TTN: variants seen among roughly 807,000 people sequenced by gnomAD.
TTN encodes the protein connectin.
A neutral mutation model predicts 3,223.0 loss-of-function variants in TTN; 1,525 were observed. The ratio of observed to expected loss-of-function variants is 0.47; its 90% CI spans 0.45 to 0.49. The LOEUF is 0.49. Among genes scored for constraint, TTN ranks in the 20% least tolerant of loss-of-function variants. The pLI, the probability that TTN is intolerant of heterozygous loss-of-function variation, is 0.00. For synonymous variants in TTN, 14,094 were observed against 15,161.0 expected, an observed-to-expected ratio of 0.93 and a Z score of 5.17; for missense variants, 40,786 against 43,424.0, an observed-to-expected ratio of 0.94 and a Z score of 5.40.
rs1060500481 is a variant in TTN at position 178,605,212 on chromosome 2, C to T, written c.53965G>A (p.Asp17989Asn). The T allele has an allele frequency of 6.2e-7, 1 of 1,612,000 alleles. No homozygotes were observed. The change falls in exon 280 of 363, where the codon GAT becomes AAT. Residue 17989 changes from aspartate (D) to asparagine (N), a missense_variant. Asp to Asn is a conservative substitution (Grantham distance 23). Coordinates refer to ENST00000589042, the MANE Select transcript of TTN (RefSeq NM_001267550.2). ...TTAGGCATTGGAAGGCCTGTCACAT[C>T]TGCAGGGATGTGGACAGGCTCTCCT... ...KAGEPVHIPA[D>N]VTGLPMPKIE...
In TTN at chr2:178,668,506, G is replaced by A. The variant is rs541249235; in HGVS notation, c.35546-785C>T. On this transcript the variant is annotated intron_variant, in intron 159 of 362. Transcript: ENST00000589042. ...AGCACTTTGGGAGGCTGAGGTGGGC[G>A]GGTCACCTGAGGTCAGGAGTTTGAG... Among the ~76,000 whole-genome samples, 27 of 152,006 alleles carry A rather than the reference G, an allele frequency of 1.8e-4. 1 individual carries two copies. Among genetic ancestry groups the A allele is most frequent in the Admixed American group, 1.5e-3 (23 of 15,246 alleles).
At chr2:178,650,615 A>T in intron 209 of TTN, 136 bp downstream of exon 209, 1 of 908,648 alleles carries the variant, frequency 1.1e-6, no homozygotes, top group Non-Finnish European at 1.6e-6. Context: ...GAGCTAATTT[A>T]GAATGATGAA....
chr2:178,775,889 T>C lies in TTN; in HGVS notation c.5975A>G (p.Glu1992Gly), dbSNP rs779988998. The C allele has an allele frequency of 9.3e-6, 15 of 1,614,032 alleles. No individual in the cohort carries two copies. The highest frequency in any genetic ancestry group is 1.3e-5 in the Non-Finnish European group (15 of 1,180,008). Residue 1992 changes from glutamate (E) to glycine (G), a missense_variant, in exon 28 of 363, where the codon GAA (glutamate) becomes GGA (glycine). By Grantham distance (98) the Glu-to-Gly change is moderately conservative. Transcript: ENST00000589042. ...AERITHEKVPEESEELRSKFK... is the reference protein window; with the variant it reads ...AERITHEKVPGESEELRSKFK... The stretch of plus-strand genomic sequence containing the variant: ...TTTACTGCGCAGCTCTTCCGACTCT[T>C]CAGGCACTTTTTCATGGGTAATTCT...
rs889982013 is a variant in TTN, at chr2:178,764,056, T to A, written c.10114+121A>T. The A allele has an allele frequency of 2.6e-5, 37 of 1,439,520 alleles. No individual in the cohort carries two copies. The Admixed American group carries it at 6.1e-4, about 24-fold the overall frequency. The allele number at this position is 1,439,520 out of a possible 1,614,324, so 89.2% of individuals were successfully genotyped here. ...AATTGAAATAAGTTTTCTGTTAGAT[T>A]TCCATTAAGCTTCAAATTATGCATG... On this transcript the variant is annotated intron_variant, in intron 43 of 362. Transcript: ENST00000589042.
At chr2:178,724,200 A>T in intron 72 of TTN, 57 bp from the exon 73 acceptor site, 1 of 1,582,436 alleles carries the variant, frequency 6.3e-7, no homozygotes, top group East Asian at 2.2e-5. Context: ...AGAGACTTGA[A>T]AGAAGGAAAC....
Position 178,731,508 on chromosome 2 carries a change from A to T in TTN, c.17258T>A (p.Leu5753Gln). The change falls in exon 59 of 363, where the codon CTG becomes CAG. Residue 5753 changes from leucine to glutamine, a missense_variant. By Grantham distance (113) the Leu-to-Gln change is moderately radical. Coordinates refer to ENST00000589042, the MANE Select transcript of TTN (RefSeq NM_001267550.2). ...RGGTAAFQATLKGSLPITVTW... is the reference protein window; with the variant it reads ...RGGTAAFQATQKGSLPITVTW... ...CACCGTAATTGGCAAGGAGCCCTTC[A>T]GAGTGGCCTGGAAGGCAGCTGTGCC... 1 of 1,613,556 alleles carries T rather than the reference A, an allele frequency of 6.2e-7. No homozygotes were observed. Among genetic ancestry groups the T allele is most frequent in the Non-Finnish European group, 8.5e-7 (1 of 1,179,694 alleles).
Position 178,807,221 on chromosome 2 carries a change from C to T in TTN, c.-23G>A, listed in dbSNP as rs1319169259. 1 of 152,150 alleles carries T rather than the reference C, an allele frequency of 6.6e-6. No homozygotes were observed. The highest frequency in any genetic ancestry group is 1.5e-5 in the Non-Finnish European group (1 of 68,020). 9.4% of individuals were successfully genotyped at this position (152,150 alleles called of 1,614,324 possible). A position where few individuals can be genotyped will look rare whatever the true frequency, so the allele number is the denominator to read the frequency against. ...AAAAGTTGCTGCTCACCTGATTTCT[C>T]AAGAGTGCCTAAAAAGGGTGGGACT... On this transcript the variant is annotated 5_prime_UTR_variant, in exon 1 of 363. Coordinates refer to ENST00000589042, the MANE Select transcript of TTN (RefSeq NM_001267550.2).
chr2:178,720,360 T>C (rs2078156755), intron 80 of TTN, 25 bp downstream of exon 80: 4 of 1,597,086 alleles, frequency 2.5e-6, no homozygotes, highest in Middle Eastern at 1.7e-4. Flanking sequence ...AAGGGGCATA[T>C]ATTTTTGTGT....
Position 178,536,978 on chromosome 2 carries a change from A to C in TTN, c.100131T>G (p.Pro33377=), listed in dbSNP as rs1240151281. Residue 33377 remains proline, a synonymous_variant, in exon 356 of 363, where the codon CCT becomes CCG. Transcript: ENST00000589042. ...SAQNTFGISD[P]LEVSSVVIIK... ...TGATCACAACTGAGGACACTTCTAG[A>C]GGGTCACTGATGCCGAAAGTGTTCT... 1.2e-6 allele frequency: 2 copies of C among 1,613,352 alleles called. No individual in the cohort carries two copies. The highest frequency in any genetic ancestry group is 8.5e-7 in the Non-Finnish European group (1 of 1,179,580).
In TTN at chr2:178,734,457, A is replaced by C. The variant is rs571195235; in HGVS notation, c.15367T>G (p.Leu5123Val). The C allele has an allele frequency of 1.9e-6, 3 of 1,613,768 alleles. No individual in the cohort carries two copies. Among genetic ancestry groups the C allele is most frequent in the Non-Finnish European group, 2.5e-6 (3 of 1,179,752 alleles). ...KQIRSSKKYRLFSQKSLVCLE... is the reference protein window; with the variant it reads ...KQIRSSKKYRVFSQKSLVCLE... ...CACACAAGAGACTTCTGAGAAAACA[A>C]TCTGTATTTTTTACTACTTCGAATT... The change falls in exon 52 of 363, where the codon TTG (leucine) becomes GTG (valine). Residue 5123 changes from leucine (L) to valine (V), a missense_variant. Leu to Val is a conservative substitution (Grantham distance 32). Coordinates refer to ENST00000589042, the MANE Select transcript of TTN (RefSeq NM_001267550.2).
At chr2:178,741,964 T>C in intron 47 of TTN, 43 bp from the exon 48 acceptor site, 1 of 1,294,060 alleles carries the variant, frequency 7.7e-7, no homozygotes, top group Non-Finnish European at 9.9e-7. Flanking sequence ...TAAAATTTTA[T>C]TTAATATAAA....
chr2:178,685,575 C>A lies in TTN; in HGVS notation c.32335G>T (p.Val10779Phe), dbSNP rs531675493. ...ATAATGTGCAGCTTTTCTTCCACAA[C>A]ATATTCCTCAGGCTCTTCCATCACT... is the stretch of plus-strand genomic sequence containing the variant. ...YEVMEEPEEY[V>F]VEEKLHIISK... The change falls in exon 128 of 363, where the codon GTT becomes TTT. Residue 10779 changes from valine to phenylalanine, a missense_variant. Transcript: ENST00000589042. 8 of 1,613,576 alleles carry A rather than the reference C, an allele frequency of 5.0e-6. No homozygotes were observed. In the Admixed American group the frequency reaches 1.3e-4, roughly 27 times the overall value.
At chr2:178,678,709 G>A in intron 143 of TTN, 38 bp downstream of exon 143, 3 of 1,576,394 alleles carry the variant, frequency 1.9e-6, no homozygotes, top group Non-Finnish European at 2.6e-6. Flanking sequence ...ATATGCAAAT[G>A]TGAAATAAAA....
In TTN at chr2:178,591,231, T is replaced by C. The variant is rs771554801; in HGVS notation, c.60494A>G (p.His20165Arg). The C allele has an allele frequency of 6.2e-6, 10 of 1,613,296 alleles. No individual in the cohort carries two copies. The highest frequency in any genetic ancestry group is 1.3e-5 in the African/African-American group (1 of 74,884). Reference sequence around the variant, plus strand: ...CCCAGGAACATCAAGAACAGTAAGATGTACGGCTACTGTTTTGCTACCGGC... The same window carrying C: ...CCCAGGAACATCAAGAACAGTAAGACGTACGGCTACTGTTTTGCTACCGGC... The part of the protein sequence containing the change: ...NAAGSKTVAV[H>R]LTVLDVPGPP... Residue 20165 changes from histidine (H) to arginine (R), a missense_variant, in exon 304 of 363, where the codon CAT (histidine) becomes CGT (arginine). Coordinates refer to ENST00000589042, the MANE Select transcript of TTN (RefSeq NM_001267550.2).
chr2:178,729,919 T>C lies in TTN; in HGVS notation c.18334A>G (p.Ser6112Gly). Residue 6112 changes from serine to glycine, a missense_variant, in exon 63 of 363, where the codon AGT (serine) becomes GGT (glycine). Coordinates refer to ENST00000589042, the MANE Select transcript of TTN (RefSeq NM_001267550.2). ...CCATTCCTCAGCACTAAGACTGGAC[T>C]GGGCTTCTTAATGAATTGAGGAGGT... is the stretch of plus-strand genomic sequence containing the variant. ...KEPPQFIKKP[S>G]PVLVLRNGQS... 1 of 1,612,982 alleles carries C rather than the reference T, an allele frequency of 6.2e-7. No individual in the cohort carries two copies.
rs375844169 is a variant in TTN, at chr2:178,774,121, T to C, written c.7058-11A>G. On this transcript the variant is annotated splice_polypyrimidine_tract_variant and intron_variant, in intron 30 of 362. Coordinates refer to ENST00000589042, the MANE Select transcript of TTN (RefSeq NM_001267550.2). ...TAGCAATGGGGCGGGCTGTGAAATA[T>C]GGGGAGAAAAAGAATGTTATGATCA... is the stretch of plus-strand genomic sequence containing the variant. 105 of 1,613,962 alleles carry C rather than the reference T, an allele frequency of 6.5e-5. No homozygotes were observed. Among genetic ancestry groups the C allele is most frequent in the Non-Finnish European group, 8.6e-5 (102 of 1,179,986 alleles).
At position 178,539,644 on chromosome 2, in the gene TTN, GTCA is replaced by G; in HGVS notation, c.98418_98420del (p.Asp32807del). The G allele has an allele frequency of 6.2e-7, 1 of 1,613,724 alleles. No homozygotes were observed. The highest frequency in any genetic ancestry group is 8.5e-7 in the Non-Finnish European group (1 of 1,179,788). ...TGACCCTCACAGAGCGGACTTGGAT[GTCA>G]TCATATTCCAGTGGCCCTTCTGGAC... On this transcript the variant is annotated inframe_deletion, in exon 352 of 363. Transcript: ENST00000589042.
Position 178,536,198 on chromosome 2 carries a change from A to T in TTN, c.100549T>A (p.Cys33517Ser). The T allele has an allele frequency of 6.2e-7, 1 of 1,613,392 alleles. No individual in the cohort carries two copies. Among genetic ancestry groups the T allele is most frequent in the Middle Eastern group, 1.7e-4 (1 of 6,060 alleles). ...GGTTTTGGATGACCAGTCACTTTGC[A>T]GACCAAGGTAGCATTGCTCTGATAT... ...VRYQSNATLV[C>S]KVTGHPKPIV... Residue 33517 changes from cysteine to serine, a missense_variant, in exon 357 of 363, where the codon TGC becomes AGC. Physicochemically the swap from Cys to Ser is moderately radical, Grantham distance 112. Transcript: ENST00000589042.
At position 178,534,704 on chromosome 2, in the gene TTN, T is replaced by C; in HGVS notation, c.101911A>G (p.Asn33971Asp). The C allele has an allele frequency of 6.2e-7, 1 of 1,613,850 alleles. No individual in the cohort carries two copies. The highest frequency in any genetic ancestry group is 1.7e-5 in the Admixed American group (1 of 60,012). ...GGGGCAGTGAATAGAAGCCTGAAGT[T>C]GTCCCCTGGTTTCAGCTGACGGGCT... ...GQARQLKPGD[N>D]FRLLFTAPEY... Residue 33971 changes from asparagine (N) to aspartate (D), a missense_variant, in exon 358 of 363, where the codon AAC (asparagine) becomes GAC (aspartate). Transcript: ENST00000589042.
Sources: gnomAD v4.1 joint callset for allele counts (sites outside exome capture counted in the v4.1 genomes callset) on GRCh38, gnomAD v4.1.1 for gene constraint, MANE v1.5 for transcripts, NCBI Gene and HGNC (gene_info 2026-07-23, HGNC 2026-07-21) for gene names.